UBR2: variants seen among roughly 807,000 people sequenced by gnomAD.
UBR2 encodes the protein ubiquitin protein ligase E3 component n-recognin 2, also known as E3 ubiquitin-protein ligase UBR2.
Under a neutral mutation model 247.9 loss-of-function variants are expected in UBR2, and 92 were observed. That is an observed-to-expected ratio of 0.37 (90% confidence interval 0.31 to 0.44). The LOEUF (loss-of-function observed/expected upper bound fraction) is 0.44. UBR2 is among the 20% of genes least tolerant of loss of function. UBR2 has a pLI of 1.00. For synonymous variants in UBR2, 672 were observed against 693.5 expected, an observed-to-expected ratio of 0.97 and a Z score of 0.49; for missense variants, 1,613 against 2,112.6, an observed-to-expected ratio of 0.76 and a Z score of 4.64.
At chr6:42,577,043 A>T (rs1194581989) in intron 2 of UBR2, among the ~76,000 whole-genome samples, 1 of 152,318 alleles carries the variant, frequency 6.6e-6, no homozygotes, top group East Asian at 1.9e-4. Context: ...TACTTTACAC[A>T]ATACTTGGCA....
intron 42 of UBR2, among the ~76,000 whole-genome samples, chr6:42,682,668 C>T (rs1237571970): frequency 6.6e-6 from 1 of 152,118 alleles, no homozygotes; most frequent in African/African-American, 2.4e-5. Flanking sequence ...AATCTTCCCG[C>T]CTCAGCCTCC....
At chr6:42,638,796 A>G (rs1366518326) in intron 15 of UBR2, among the ~76,000 whole-genome samples, 1 of 152,072 alleles carries the variant, frequency 6.6e-6, no homozygotes, top group Non-Finnish European at 1.5e-5. Flanking sequence ...CCTGTCTCCA[A>G]CTGAGCCACT....
At chr6:42,669,550 C>A (rs1269738053) in intron 34 of UBR2, among the ~76,000 whole-genome samples, 1 of 151,992 alleles carries the variant, frequency 6.6e-6, no homozygotes, top group African/African-American at 2.4e-5. Flanking sequence ...TTCTCTGCTC[C>A]TTTGTTTTGG....
intron 31 of UBR2, among the ~76,000 whole-genome samples, chr6:42,662,669 C>T (rs1486922945): frequency 6.6e-6 from 1 of 152,148 alleles, no homozygotes; most frequent in Non-Finnish European, 1.5e-5. Context: ...ATTGTAATGG[C>T]TCCCTGTGAT....
intron 2 of UBR2, among the ~76,000 whole-genome samples, chr6:42,584,134 T>C (rs572954542): frequency 2.6e-5 from 4 of 151,586 alleles, no homozygotes; most frequent in Admixed American, 2.0e-4. Context: ...AGTAGCTGGG[T>C]TATGGGCATG....
intron 34 of UBR2, among the ~76,000 whole-genome samples, chr6:42,667,587 C>CTTTTTTTTTTTTTTTTTTTTTTT (rs1161068427): frequency 4.2e-5 from 2 of 47,428 alleles, no homozygotes; most frequent in Non-Finnish European, 6.9e-5. Context: ...ACAGTTTTGT[C>CTTTTTTTTTTTTTTTTTTTTTTT]TTTTTTTTTT....
chr6:42,640,725 T>A (rs1796392540), intron 16 of UBR2, among the ~76,000 whole-genome samples: 1 of 150,242 alleles, frequency 6.7e-6, no homozygotes, highest in Admixed American at 6.6e-5. Flanking sequence ...GAGTCTATGA[T>A]TTTTTTTTAT....
chr6:42,613,954 C>T (rs1413267624), intron 8 of UBR2, among the ~76,000 whole-genome samples: 2 of 151,188 alleles, frequency 1.3e-5, no homozygotes, highest in Non-Finnish European at 2.9e-5. Context: ...GCAAGTGGGT[C>T]ACTTGAGCCC....
intron 13 of UBR2, 45 bp downstream of exon 13, chr6:42,632,949 C>CTTTTTTTTTTT: frequency 1.1e-6 from 1 of 906,896 alleles, no homozygotes. Flanking sequence ...TTTTTTTTTT[C>CTTTTTTTTTTT]TCTTTTCTCT....
chr6:42,651,403 G>A (rs1215151846), intron 23 of UBR2, among the ~76,000 whole-genome samples: 1 of 151,672 alleles, frequency 6.6e-6, no homozygotes, highest in African/African-American at 2.4e-5. Flanking sequence ...TAAAGTAATA[G>A]AGAACTCGTT....
chr6:42,676,946 G>C, intron 40 of UBR2, 73 bp downstream of exon 40: 1 of 1,268,584 alleles, frequency 7.9e-7, no homozygotes, highest in South Asian at 1.2e-5. Flanking sequence ...AAAGGAATTC[G>C]TTTGTTAATT....
chr6:42,626,660 C>A (rs547743808), intron 11 of UBR2, among the ~76,000 whole-genome samples: 97 of 152,304 alleles, frequency 6.4e-4, no homozygotes, highest in African/African-American at 1.7e-3. Context: ...CATCCCCACC[C>A]CTGACACATA....
At chr6:42,633,608 C>T (rs746940398) in intron 13 of UBR2, among the ~76,000 whole-genome samples, 5 of 151,546 alleles carry the variant, frequency 3.3e-5, no homozygotes, top group African/African-American at 1.2e-4. Flanking sequence ...CCAGGCTGGT[C>T]TCGAACTCCT....
intron 6 of UBR2, 33 bp downstream of exon 6, chr6:42,605,892 A>T: frequency 6.4e-7 from 1 of 1,568,572 alleles, no homozygotes; most frequent in Non-Finnish European, 8.7e-7. Context: ...TAATAAATTG[A>T]ATTTTTACTA....
intron 4 of UBR2, 38 bp from the exon 5 acceptor site, chr6:42,603,550 T>C: frequency 6.7e-7 from 1 of 1,498,622 alleles, no homozygotes; most frequent in South Asian, 1.3e-5. Flanking sequence ...ATGATTGCCC[T>C]TTTTTTCTTT....
At chr6:42,565,854 C>G (rs1316629771) in intron 1 of UBR2, among the ~76,000 whole-genome samples, 1 of 151,998 alleles carries the variant, frequency 6.6e-6, no homozygotes, top group Non-Finnish European at 1.5e-5. Flanking sequence ...GCCACTGCGC[C>G]CTGCCTTGGT....
intron 4 of UBR2, among the ~76,000 whole-genome samples, chr6:42,603,059 A>C (rs1793488998): frequency 6.6e-6 from 1 of 152,166 alleles, no homozygotes; most frequent in Non-Finnish European, 1.5e-5. Flanking sequence ...ATTAACATGC[A>C]TGCACGTCTC....
rs1400191925 is a variant in UBR2 at position 42,612,375 on chromosome 6, A to G, written c.985+84A>G. 4.3e-5 allele frequency: 56 copies of G among 1,303,924 alleles called. 1 individual carries two copies. In the Middle Eastern group the frequency reaches 6.7e-4, roughly 16 times the overall value. 80.8% of individuals were successfully genotyped at this position (1,303,924 alleles called of 1,614,324 possible). A position where few individuals can be genotyped will look rare whatever the true frequency, so the allele number is the denominator to read the frequency against. On this transcript the variant is annotated intron_variant, in intron 8 of 46. Transcript: ENST00000372901. Reference sequence around the variant, plus strand: ...CAAAACTGTTTTGGGAAAACTATCAACTGGAATAATTTCCTGCTTTAATTT... The same window carrying G: ...CAAAACTGTTTTGGGAAAACTATCAGCTGGAATAATTTCCTGCTTTAATTT...
intron 11 of UBR2, among the ~76,000 whole-genome samples, chr6:42,622,004 G>A (rs992583393): frequency 6.6e-6 from 1 of 151,870 alleles, no homozygotes; most frequent in African/African-American, 2.4e-5. Flanking sequence ...TCATTATAGA[G>A]GGCTTCCCAC....
Sources: gnomAD v4.1 joint callset for allele counts (sites outside exome capture counted in the v4.1 genomes callset) on GRCh38, gnomAD v4.1.1 for gene constraint, MANE v1.5 for transcripts, NCBI Gene and HGNC (gene_info 2026-07-23, HGNC 2026-07-21) for gene names.